The following TRIM37 variants were observed in gnomAD, a reference collection of about 807,000 sequenced individuals.
TRIM37 encodes the protein tripartite motif containing 37.
A neutral mutation model predicts 129.8 loss-of-function variants in TRIM37; 80 were observed. The observed-to-expected ratio is 0.62, with a 90% CI of 0.51 to 0.74. TRIM37 has a LOEUF of 0.74. Ranked by LOEUF, TRIM37 falls within the 30% of genes least tolerant of loss-of-function variation. The pLI is 0.00. For synonymous variants in TRIM37, 389 were observed against 387.1 expected (o/e 1.00, Z -0.06); for missense variants, 1,054 against 1,176.5 (o/e 0.90, Z 1.52).
chr17:58,985,367 C>T (rs577020595), intron 24 of TRIM37, among the ~76,000 whole-genome samples: 17 of 152,228 alleles, frequency 1.1e-4, no homozygotes, highest in African/African-American at 4.1e-4. Context: ...GGTATTTAGC[C>T]TTATACATGT....
downstream of TRIM37, among the ~76,000 whole-genome samples, chr17:58,978,915 G>A (rs1363244006): frequency 6.6e-6 from 1 of 152,138 alleles, no homozygotes; most frequent in Non-Finnish European, 1.5e-5. Context: ...CTAGTTTAGT[G>A]TGGTCCCAAG....
intron 19 of TRIM37, among the ~76,000 whole-genome samples, chr17:59,026,676 TC>T (rs1405691004): frequency 6.6e-6 from 1 of 152,124 alleles, no homozygotes; most frequent in Non-Finnish European, 1.5e-5. Context: ...ACCCCGCACC[TC>T]CTCCAGCTTC....
At position 59,097,041 on chromosome 17, in the gene TRIM37, C is replaced by T. The variant is rs181511558; in HGVS notation, c.124-5701G>A. 5.3e-5 allele frequency among the ~76,000 whole-genome samples: 8 copies of T among 152,254 alleles called. No individual in the cohort carries two copies. In the East Asian group the frequency reaches 1.5e-3, roughly 29 times the overall value. On this transcript the variant is annotated intron_variant, in intron 2 of 23. Transcript: ENST00000262294. ...CCCACTATGATCATCTCAATTGATG[C>T]AGAAAAGGCATCTGACAAAATCCAA...
At chr17:58,987,942 G>A (rs1265197890) in intron 24 of TRIM37, among the ~76,000 whole-genome samples, 2 of 152,314 alleles carry the variant, frequency 1.3e-5, no homozygotes, top group African/African-American at 2.4e-5. Context: ...GGTAGAAGGA[G>A]CATTTCTTCT....
downstream of TRIM37, among the ~76,000 whole-genome samples, chr17:58,994,440 G>A (rs1330582388): frequency 6.6e-6 from 1 of 152,170 alleles, no homozygotes; most frequent in Non-Finnish European, 1.5e-5. Context: ...GTATCTGGGA[G>A]ATCAGGCGTG....
chr17:59,104,605 A>G (rs1291271004), intron 1 of TRIM37: 1 of 697,824 alleles, frequency 1.4e-6, no homozygotes, highest in Admixed American at 2.0e-5. Context: ...ATTCTATTCT[A>G]AGGAAAATAT....
the TRIM37 span, among the ~76,000 whole-genome samples, chr17:58,968,321 A>G: frequency 6.6e-6 from 1 of 152,118 alleles, no homozygotes; most frequent in Non-Finnish European, 1.5e-5. Flanking sequence ...GCTACTTGGG[A>G]GGCTGAGGCG....
chr17:59,056,825 G>C (rs368565049), intron 13 of TRIM37, 50 bp downstream of exon 13: 70 of 1,304,566 alleles, frequency 5.4e-5, no homozygotes, highest in Non-Finnish European at 7.2e-5. Flanking sequence ...TAGTTCTGAT[G>C]ATATTATTTC....
At chr17:59,056,770 T>G (rs1380013494) in intron 13 of TRIM37, 105 bp downstream of exon 13, 3 of 774,480 alleles carry the variant, frequency 3.9e-6, no homozygotes, top group East Asian at 5.9e-5. Context: ...ATAGTTAGTA[T>G]GAATTTCAAT....
rs370363504 is a variant in TRIM37, at chr17:59,070,943, C to T, written c.689G>A (p.Arg230Gln). 2.0e-5 allele frequency: 33 copies of T among 1,613,156 alleles called. No homozygotes were observed. Among genetic ancestry groups the T allele is most frequent in the Non-Finnish European group, 2.6e-5 (31 of 1,179,772 alleles). ...SLLQEVEHQL[R>Q]SCSKSELISK... ...TATCAACTCACTCTTACTACAAGAC[C>T]GCAACTGTGTGAGGAAAAAAATTAT... Residue 230 changes from arginine to glutamine, a missense_variant, in exon 9 of 24, where the codon CGG (arginine) becomes CAG (glutamine). Arg to Gln is a conservative substitution (Grantham distance 43). This residue lies in a region of TRIM37 where 752 missense variants were observed against 870.8 expected (regional missense o/e 0.86). Coordinates refer to ENST00000262294, the MANE Select transcript of TRIM37 (RefSeq NM_015294.6).
At chr17:59,032,147 T>C in intron 17 of TRIM37, 57 bp from the exon 18 acceptor site, 7 of 1,529,664 alleles carry the variant, frequency 4.6e-6, no homozygotes, top group Non-Finnish European at 6.3e-6. Flanking sequence ...TATACTTAAA[T>C]GAAAAAATGA....
the TRIM37 span, chr17:58,972,360 T>C: frequency 6.9e-7 from 1 of 1,453,112 alleles, no homozygotes; most frequent in Non-Finnish European, 9.3e-7. Context: ...ACTTACTTTT[T>C]TTTTTTTTGA....
the TRIM37 span, among the ~76,000 whole-genome samples, chr17:58,968,636 C>T: frequency 2.6e-5 from 4 of 152,128 alleles, no homozygotes; most frequent in African/African-American, 4.8e-5. Flanking sequence ...AAAATTATTA[C>T]ATACTGTTGC....
intron 2 of TRIM37, among the ~76,000 whole-genome samples, chr17:59,099,535 T>C: frequency 6.6e-6 from 1 of 152,074 alleles, no homozygotes; most frequent in Admixed American, 6.6e-5. Context: ...AAAATTTTGT[T>C]ATATTTATTT....
At chr17:59,079,594 C>G (rs1245680811) in intron 7 of TRIM37, among the ~76,000 whole-genome samples, 160 bp downstream of exon 7, 1 of 152,082 alleles carries the variant, frequency 6.6e-6, no homozygotes, top group East Asian at 1.9e-4. Context: ...CCTATCATTT[C>G]TAAATACAAG....
intron 24 of TRIM37, among the ~76,000 whole-genome samples, chr17:58,991,186 A>AG (rs2032363124): frequency 6.6e-6 from 1 of 151,458 alleles, no homozygotes; most frequent in East Asian, 1.9e-4. Context: ...AAAAAAAAAA[A>AG]AAAAAAAGAA....
At chr17:58,980,095 T>C (rs1567900113), downstream of TRIM37, 1 of 1,614,000 alleles carries the variant, frequency 6.2e-7, no homozygotes, top group African/African-American at 1.3e-5. This position sits in a 1 kb window ranked among gnomAD's most constrained non-coding sequence, Gnocchi z 4.7. Context: ...TGAACCCTGA[T>C]GAGGCAGTGA....
intron 19 of TRIM37, among the ~76,000 whole-genome samples, chr17:59,024,676 A>T (rs2037033415): frequency 6.6e-6 from 1 of 152,192 alleles, no homozygotes; most frequent in Admixed American, 6.5e-5. Flanking sequence ...ACAGGTACAT[A>T]CCACCATGAC....
At chr17:59,037,875 C>T (rs1309519537) in intron 17 of TRIM37, among the ~76,000 whole-genome samples, 1 of 152,094 alleles carries the variant, frequency 6.6e-6, no homozygotes, top group East Asian at 1.9e-4. Flanking sequence ...CTCTTCTGGT[C>T]TATGACAGTC....
Sources: allele counts gnomAD v4.1 joint callset (sites outside exome capture counted in the v4.1 genomes callset), GRCh38; gene constraint gnomAD v4.1.1; regional missense constraint gnomAD v4.1.1; non-coding constraint Gnocchi (gnomAD v3.1); transcripts MANE v1.5; gene names NCBI Gene and HGNC (gene_info 2026-07-23, HGNC 2026-07-21).